CHL1: variants seen among roughly 807,000 people sequenced by gnomAD.
CHL1 encodes the protein neural cell adhesion molecule L1-like protein.
A neutral mutation model predicts 141.9 loss-of-function variants in CHL1; 96 were observed. The observed-to-expected ratio is 0.68, with a 90% CI of 0.57 to 0.80. CHL1 has a LOEUF of 0.80. Among genes scored for constraint, CHL1 ranks in the 30% least tolerant of loss-of-function variants. The pLI, the probability that CHL1 is intolerant of heterozygous loss-of-function variation, is 0.00. For missense variants in CHL1, 1,820 were observed against 1,457.2 expected, an observed-to-expected ratio of 1.25 and a Z score of -4.05; for synonymous variants, 613 against 502.2, an observed-to-expected ratio of 1.22 and a Z score of -2.95.
intron 11 of CHL1, among the ~76,000 whole-genome samples, chr3:356,208 G>C (rs1559301724): frequency 6.6e-6 from 1 of 152,202 alleles, no homozygotes; most frequent in Non-Finnish European, 1.5e-5. Flanking sequence ...GAAGGGAAAT[G>C]AAAGCAACTT....
At chr3:337,326 G>A in intron 5 of CHL1, among the ~76,000 whole-genome samples, 1 of 150,166 alleles carries the variant, frequency 6.7e-6, no homozygotes, top group East Asian at 2.0e-4. Flanking sequence ...GAGTAGCTGG[G>A]ACCACAGGCG....
At chr3:266,803 T>C (rs1695197299) in intron 2 of CHL1, among the ~76,000 whole-genome samples, 2 of 152,196 alleles carry the variant, frequency 1.3e-5, no homozygotes, top group Non-Finnish European at 2.9e-5. Flanking sequence ...CTTCCAATGT[T>C]CAGTGGAGGG....
intron 2 of CHL1, among the ~76,000 whole-genome samples, chr3:256,796 C>A (rs1483278609): frequency 2.0e-5 from 3 of 152,176 alleles, no homozygotes; most frequent in Admixed American, 6.5e-5. Context: ...GCTTGCTCAG[C>A]ATGCAGTAGT....
At chr3:387,278 C>A (rs1410630224) in intron 19 of CHL1, among the ~76,000 whole-genome samples, 1 of 152,160 alleles carries the variant, frequency 6.6e-6, no homozygotes, top group Non-Finnish European at 1.5e-5. Flanking sequence ...ACGTTAAGAA[C>A]CTCTTTTCTA....
At chr3:265,156 G>C (rs1052844099) in intron 2 of CHL1, among the ~76,000 whole-genome samples, 1 of 152,192 alleles carries the variant, frequency 6.6e-6, no homozygotes, top group African/African-American at 2.4e-5. Flanking sequence ...GGGTAGCTAA[G>C]AGAGAGGGTT....
At chr3:212,101 C>T (rs17006420) in intron 1 of CHL1, among the ~76,000 whole-genome samples, 2,301 of 151,998 alleles carry the variant, frequency 0.015, 76 homozygotes, top group African/African-American at 0.052. Context: ...TAAATTCTGC[C>T]GTTTTAGATT....
At chr3:330,559 T>TA (rs1414471830) in intron 5 of CHL1, among the ~76,000 whole-genome samples, 2 of 151,988 alleles carry the variant, frequency 1.3e-5, no homozygotes, top group Admixed American at 6.6e-5. Flanking sequence ...CCATATTTAT[T>TA]AAAAAAAGAA....
intron 15 of CHL1, among the ~76,000 whole-genome samples, chr3:372,761 C>T (rs540270962): frequency 1.5e-4 from 23 of 151,242 alleles, no homozygotes; most frequent in Non-Finnish European, 7.4e-5. Context: ...GCTGCTGACA[C>T]TTGGATGGGG....
At chr3:358,853 G>A (rs1312978544) in intron 11 of CHL1, among the ~76,000 whole-genome samples, 2 of 151,438 alleles carry the variant, frequency 1.3e-5, no homozygotes, top group Non-Finnish European at 2.9e-5. Context: ...AGTAGAATTC[G>A]ATTGATTATT....
At chr3:340,359 A>G (rs1345271739) in intron 5 of CHL1, among the ~76,000 whole-genome samples, 1 of 152,178 alleles carries the variant, frequency 6.6e-6, no homozygotes, top group East Asian at 1.9e-4. Context: ...ACTGGCTGGA[A>G]TATTTGCCAA....
At chr3:318,999 T>C (rs1276767327) in intron 2 of CHL1, among the ~76,000 whole-genome samples, 1 of 151,668 alleles carries the variant, frequency 6.6e-6, no homozygotes, top group Non-Finnish European at 1.5e-5. Flanking sequence ...CAAAATTGTG[T>C]CCTTGCAGCA....
chr3:409,301 T>C lies in CHL1; in HGVS notation c.*3590T>C, dbSNP rs571222476. On this transcript the variant is annotated 3_prime_UTR_variant, in exon 28 of 28. Transcript: ENST00000256509. ...TCATAGTAGAACTTTATAAAACGTG[T>C]TTGTATTGTAGGTGGTGTTTGTATT... is the stretch of plus-strand genomic sequence containing the variant. The C allele has an allele frequency of 6.6e-6, 1 of 152,080 alleles. No individual in the cohort carries two copies. Among genetic ancestry groups the C allele is most frequent in the African/African-American group, 2.4e-5 (1 of 41,428 alleles). The allele number at this position is 152,080 out of a possible 1,614,324, so 9.4% of individuals were successfully genotyped here.
intron 2 of CHL1, among the ~76,000 whole-genome samples, chr3:257,184 G>C (rs369038): frequency 6.6e-6 from 1 of 151,786 alleles, no homozygotes; most frequent in Non-Finnish European, 1.5e-5. Context: ...ATGATCATAC[G>C]TAATCTAAGA....
In CHL1 at chr3:405,480, T is replaced by G. The variant is rs776181947; in HGVS notation, c.3459-15T>G. ...TTAGATTTTGTTGAGCTATTTTTGT[T>G]TGTTTGTTTTCTAGTGACAGTGATG... On this transcript the variant is annotated splice_polypyrimidine_tract_variant and intron_variant, in intron 27 of 27. Coordinates refer to ENST00000256509, the MANE Select transcript of CHL1 (RefSeq NM_006614.4). The G allele has an allele frequency of 7.7e-6, 12 of 1,558,938 alleles. No individual in the cohort carries two copies. In the African/African-American group the frequency reaches 1.4e-4, roughly 18 times the overall value.
intron 24 of CHL1, among the ~76,000 whole-genome samples, chr3:395,319 T>C (rs1387305015): frequency 6.6e-6 from 1 of 152,244 alleles, no homozygotes; most frequent in Non-Finnish European, 1.5e-5. Context: ...GATTCATATG[T>C]CAATTTTGTT....
At chr3:284,078 G>C (rs979309544) in intron 2 of CHL1, among the ~76,000 whole-genome samples, 1 of 152,124 alleles carries the variant, frequency 6.6e-6, no homozygotes, top group Non-Finnish European at 1.5e-5. Flanking sequence ...AGGTAGAGGG[G>C]ATACATTCGT....
chr3:341,089 T>C (rs1020023477), intron 6 of CHL1, among the ~76,000 whole-genome samples, 173 bp downstream of exon 6: 5 of 152,228 alleles, frequency 3.3e-5, no homozygotes, highest in Admixed American at 3.3e-4. Flanking sequence ...CAATACTTCC[T>C]ATATTTCAAA....
intron 2 of CHL1, among the ~76,000 whole-genome samples, chr3:272,485 G>T (rs1405575015): frequency 6.6e-6 from 1 of 152,128 alleles, no homozygotes; most frequent in Non-Finnish European, 1.5e-5. Context: ...TCGTTCTTTG[G>T]AAATGGGAAG....
intron 2 of CHL1, among the ~76,000 whole-genome samples, chr3:296,231 A>G (rs1174073187): frequency 1.3e-5 from 2 of 152,190 alleles, no homozygotes; most frequent in Non-Finnish European, 2.9e-5. Flanking sequence ...CCTATCATTC[A>G]GTTAAGACCT....
Sources: allele counts gnomAD v4.1 joint callset (sites outside exome capture counted in the v4.1 genomes callset), GRCh38; gene constraint gnomAD v4.1.1; transcripts MANE v1.5; gene names NCBI Gene and HGNC (gene_info 2026-07-23, HGNC 2026-07-21).